Variants in DGKB observed in about 807,000 individuals in gnomAD.
DGKB encodes the protein diacylglycerol kinase beta, also known as 90 kDa diacylglycerol kinase.
In DGKB, 67 loss-of-function variants were observed where a neutral mutation model predicts 114.3. The ratio of observed to expected loss-of-function variants is 0.59; its 90% confidence interval spans 0.48 to 0.72. The LOEUF (loss-of-function observed/expected upper bound fraction) is 0.72, where lower values mean the gene tolerates loss of function less well. Among genes scored for constraint, DGKB ranks in the 30% least tolerant of loss-of-function variants. The probability of loss-of-function intolerance (pLI) is 0.00; values close to 1 mark genes in which losing one functional copy is unlikely to be tolerated. For synonymous variants in DGKB, 398 were observed against 323.1 expected (o/e 1.23, Z -2.49); for missense variants, 907 against 975.2 (o/e 0.93, Z 0.93).
At chr7:14,920,662 T>G (rs1354866477) in intron 1 of DGKB, among the ~76,000 whole-genome samples, 1 of 152,104 alleles carries the variant, frequency 6.6e-6, no homozygotes, top group Non-Finnish European at 1.5e-5. Context: ...CCCAACTGAG[T>G]TGAAAACTTA....
At chr7:14,382,255 C>T (rs754308934) in intron 21 of DGKB, among the ~76,000 whole-genome samples, 1 of 151,834 alleles carries the variant, frequency 6.6e-6, no homozygotes, top group Non-Finnish European at 1.5e-5. Flanking sequence ...ATCAGTAGAG[C>T]CCAGCCCTTG....
intron 1 of DGKB, among the ~76,000 whole-genome samples, chr7:14,861,484 G>A (rs1850966905): frequency 1.3e-5 from 2 of 151,670 alleles, no homozygotes; most frequent in South Asian, 2.1e-4. Flanking sequence ...GTACATATAG[G>A]AAATGTATAG....
At chr7:14,921,206 G>C (rs1007142081) in intron 1 of DGKB, among the ~76,000 whole-genome samples, 1 of 152,064 alleles carries the variant, frequency 6.6e-6, no homozygotes, top group Non-Finnish European at 1.5e-5. Context: ...GAGATTTTTA[G>C]GGTGTCAAAA....
intron 4 of DGKB, among the ~76,000 whole-genome samples, chr7:14,744,897 C>A (rs572103330): frequency 5.0e-4 from 76 of 152,136 alleles, no homozygotes; most frequent in Non-Finnish European, 7.8e-4. Context: ...CCAGCAATTT[C>A]TGGCTACAAC....
At chr7:14,652,674 T>C (rs1332744026) in intron 13 of DGKB, among the ~76,000 whole-genome samples, 1 of 148,866 alleles carries the variant, frequency 6.7e-6, no homozygotes, top group Non-Finnish European at 1.5e-5. Context: ...GTAAAGAGCT[T>C]CTGCACAGCA....
intron 4 of DGKB, among the ~76,000 whole-genome samples, chr7:14,752,233 T>A (rs1360615749): frequency 2.0e-5 from 3 of 152,160 alleles, no homozygotes. Flanking sequence ...ATATCATTGT[T>A]AATAATTATA....
intron 17 of DGKB, among the ~76,000 whole-genome samples, chr7:14,584,093 G>A (rs936598344): frequency 1.3e-5 from 2 of 152,122 alleles, no homozygotes; most frequent in Admixed American, 6.6e-5. Context: ...ATTAACTTGT[G>A]TGGTTTTATT....
At chr7:14,241,081 T>C (rs56697957) in intron 23 of DGKB, among the ~76,000 whole-genome samples, 3,640 of 152,256 alleles carry the variant, frequency 0.024, 142 homozygotes, top group African/African-American at 0.083. Context: ...ACTTAAATTG[T>C]GTTCTGGCCT....
chr7:14,753,066 G>A (rs1191221366), intron 4 of DGKB, among the ~76,000 whole-genome samples: 1 of 152,132 alleles, frequency 6.6e-6, no homozygotes, highest in African/African-American at 2.4e-5. Context: ...TAAGATGTAG[G>A]ATCTGTATCT....
intron 21 of DGKB, among the ~76,000 whole-genome samples, chr7:14,445,408 A>T (rs927228394): frequency 5.3e-5 from 8 of 151,972 alleles, no homozygotes; most frequent in African/African-American, 1.9e-4. Flanking sequence ...AAAAATCCAA[A>T]TAGAACTATC....
chr7:14,483,660 T>G (rs1783329996), intron 20 of DGKB, among the ~76,000 whole-genome samples: 2 of 152,130 alleles, frequency 1.3e-5, no homozygotes, highest in African/African-American at 2.4e-5. Context: ...AAAATATGAT[T>G]AATAATTTGG....
intron 20 of DGKB, among the ~76,000 whole-genome samples, chr7:14,550,636 A>G (rs1794977117): frequency 6.6e-6 from 1 of 152,306 alleles, no homozygotes; most frequent in South Asian, 2.1e-4. Context: ...CATGTGCTTT[A>G]TAGTCTTCAT....
At chr7:14,567,094 TTA>T (rs987380412) in intron 20 of DGKB, among the ~76,000 whole-genome samples, 40 of 121,144 alleles carry the variant, frequency 3.3e-4, no homozygotes, top group South Asian at 1.8e-3. Flanking sequence ...AATTATCCAT[TTA>T]TATATATGTT....
At chr7:14,540,146 T>C (rs1166683445) in intron 20 of DGKB, among the ~76,000 whole-genome samples, 1 of 152,102 alleles carries the variant, frequency 6.6e-6, no homozygotes, top group Non-Finnish European at 1.5e-5. Flanking sequence ...ATAGTATCAT[T>C]TAATAAAGGA....
intron 20 of DGKB, among the ~76,000 whole-genome samples, chr7:14,523,896 T>C (rs1251364345): frequency 6.6e-6 from 1 of 152,130 alleles, no homozygotes; most frequent in Non-Finnish European, 1.5e-5. Flanking sequence ...GTCATCTTAT[T>C]GAGGGGTTAC....
At chr7:14,938,114 A>C (rs1241104209) in intron 1 of DGKB, among the ~76,000 whole-genome samples, 1 of 152,206 alleles carries the variant, frequency 6.6e-6, no homozygotes, top group Non-Finnish European at 1.5e-5. Flanking sequence ...ACAAATACAC[A>C]AGTATTTAAG....
At chr7:14,906,293 G>C (rs1443014185), upstream of DGKB, among the ~76,000 whole-genome samples, 1 of 151,524 alleles carries the variant, frequency 6.6e-6, no homozygotes, top group East Asian at 1.9e-4. Flanking sequence ...TTATATCAAG[G>C]ATTACAAGCA....
chr7:14,584,067 G>A (rs1348602560), intron 17 of DGKB, among the ~76,000 whole-genome samples: 1 of 152,104 alleles, frequency 6.6e-6, no homozygotes, highest in Admixed American at 6.6e-5. Context: ...ATAAAACTGT[G>A]CTATACATAC....
At chr7:14,637,521 T>C (rs1456571146) in intron 13 of DGKB, among the ~76,000 whole-genome samples, 1 of 151,362 alleles carries the variant, frequency 6.6e-6, no homozygotes, top group East Asian at 1.9e-4. Flanking sequence ...TATAAGATTA[T>C]ATATATATGT....
Sources: gnomAD v4.1 joint callset for allele counts (sites outside exome capture counted in the v4.1 genomes callset) on GRCh38, gnomAD v4.1.1 for gene constraint, MANE v1.5 for transcripts, NCBI Gene and HGNC (gene_info 2026-07-23, HGNC 2026-07-21) for gene names.